The following CDC14A variants were observed in gnomAD, a reference collection of about 807,000 sequenced individuals.
CDC14A encodes the protein cell division cycle 14A.
In CDC14A, 53 loss-of-function variants were observed where a neutral mutation model predicts 74.4. That is an observed-to-expected ratio of 0.71 (90% confidence interval 0.57 to 0.89). CDC14A has a LOEUF of 0.89. Ranked by LOEUF, CDC14A falls within the 40% of genes least tolerant of loss-of-function variation. The probability of loss-of-function intolerance (pLI) is 0.00; values close to 1 mark genes in which losing one functional copy is unlikely to be tolerated. For synonymous variants in CDC14A, 247 were observed against 258.4 expected (o/e 0.96, Z 0.43); for missense variants, 646 against 713.7 (o/e 0.91, Z 1.08).
chr1:100,504,961 TAATA>T, intron 15 of CDC14A: 1 of 1,504,490 alleles, frequency 6.6e-7, no homozygotes, highest in Non-Finnish European at 8.9e-7. Context: ...ACCCTATAAT[TAATA>T]CTTTATTTTA....
At chr1:100,431,483 TTGAATGTTA>T (rs958453753) in intron 5 of CDC14A, among the ~76,000 whole-genome samples, 7 of 152,268 alleles carry the variant, frequency 4.6e-5, no homozygotes, top group African/African-American at 1.7e-4. Flanking sequence ...TATTATTTTG[TTGAATGTTA>T]TGAAAAGCTC....
intron 15 of CDC14A, among the ~76,000 whole-genome samples, chr1:100,511,468 G>A (rs1649782002): frequency 6.6e-6 from 1 of 152,158 alleles, no homozygotes; most frequent in Non-Finnish European, 1.5e-5. Flanking sequence ...CTTAATGATT[G>A]TCCTTACATT....
chr1:100,377,395 C>T, intron 2 of CDC14A, 151 bp from the exon 3 acceptor site: 2 of 623,300 alleles, frequency 3.2e-6, no homozygotes, highest in Non-Finnish European at 5.6e-6. Context: ...AGGACGAAAC[C>T]ATTAGTTATT....
rs544068507 is a variant in CDC14A, at chr1:100,390,415, A to G, written c.217-317A>G. ...AACAAAGTGTGAAGAGACTTTCTGTAGAAGATTTAGAATAAATAGTCAAAA... is the reference window on the plus strand; with the variant it reads ...AACAAAGTGTGAAGAGACTTTCTGTGGAAGATTTAGAATAAATAGTCAAAA... On this transcript the variant is annotated intron_variant, in intron 3 of 15. Coordinates refer to ENST00000336454, the MANE Select transcript of CDC14A (RefSeq NM_003672.4). Among the ~76,000 whole-genome samples, 10 of 152,338 alleles carry G rather than the reference A, an allele frequency of 6.6e-5. No individual in the cohort carries two copies. In the South Asian group the frequency reaches 2.1e-3, roughly 32 times the overall value.
intron 10 of CDC14A, among the ~76,000 whole-genome samples, chr1:100,473,694 G>GATTTTTCTGTTT (rs1668612414): frequency 6.6e-6 from 1 of 152,056 alleles, no homozygotes; most frequent in Non-Finnish European, 1.5e-5. Context: ...GGCCACAATT[G>GATTTTTCTGTTT]ATTTTTCTGT....
Position 100,420,063 on chromosome 1 carries a change from C to CACATATATATATATATATATATATATAT in CDC14A, c.310-4158_310-4157insCATATATATATATATATATATATATATA. Among the ~76,000 whole-genome samples the CACATATATATATATATATATATATATAT allele has an allele frequency of 1.1e-4, 7 of 61,594 alleles. 2 individuals carry two copies. The highest frequency in any genetic ancestry group is 2.3e-4 in the Non-Finnish European group (6 of 26,154). 40.4% of individuals were successfully genotyped at this position (61,594 alleles called of 152,430 possible). The stretch of plus-strand genomic sequence containing the variant: ...ACACACACACACACACACACACACA[C>CACATATATATATATATATATATATATAT]ATATATATATATATATATAGTGTGT... On this transcript the variant is annotated intron_variant, in intron 4 of 15. Coordinates refer to ENST00000336454, the MANE Select transcript of CDC14A (RefSeq NM_003672.4).
At chr1:100,456,792 T>C (rs1666743075) in intron 8 of CDC14A, among the ~76,000 whole-genome samples, 3 of 152,248 alleles carry the variant, frequency 2.0e-5, no homozygotes, top group African/African-American at 7.2e-5. Flanking sequence ...TAGGGAACTC[T>C]GCTTGAATCA....
intron 2 of CDC14A, among the ~76,000 whole-genome samples, chr1:100,374,007 A>G (rs943831687): frequency 2.6e-5 from 4 of 151,810 alleles, no homozygotes; most frequent in African/African-American, 9.7e-5. Flanking sequence ...TCCTGTGTCC[A>G]TGTATTCTCA....
chr1:100,516,655 C>T (rs1265444004), intron 15 of CDC14A, among the ~76,000 whole-genome samples: 6 of 151,984 alleles, frequency 3.9e-5, no homozygotes, highest in African/African-American at 1.5e-4. Context: ...TAGAAGAAAC[C>T]GAGAAAAAGC....
chr1:100,382,332 C>A (rs1426008682), intron 3 of CDC14A, among the ~76,000 whole-genome samples: 1 of 147,616 alleles, frequency 6.8e-6, no homozygotes, highest in African/African-American at 2.5e-5. Flanking sequence ...TCTCCCACTT[C>A]AGTCAACTGA....
chr1:100,428,757 A>G (rs142358434), intron 5 of CDC14A, among the ~76,000 whole-genome samples: 61 of 152,336 alleles, frequency 4.0e-4, no homozygotes, highest in African/African-American at 1.4e-3. Flanking sequence ...CATTGAAAAG[A>G]TAACCAATCT....
At position 100,372,803 on chromosome 1, in the gene CDC14A, C is replaced by G. The variant is rs141811799; in HGVS notation, c.141-4743C>G. Among the ~76,000 whole-genome samples, 18 of 152,324 alleles carry G rather than the reference C, an allele frequency of 1.2e-4. No individual in the cohort carries two copies. The East Asian group carries it at 3.1e-3, about 26-fold the overall frequency. On this transcript the variant is annotated intron_variant, in intron 2 of 15. Transcript: ENST00000336454. ...AATCTTAAACCTTATGAACCAACCTCTGCTAACTTCATACTTTTATTCTGC... is the reference window on the plus strand; with the variant it reads ...AATCTTAAACCTTATGAACCAACCTGTGCTAACTTCATACTTTTATTCTGC...
At chr1:100,461,324 A>T (rs1049155276) in intron 8 of CDC14A, among the ~76,000 whole-genome samples, 2 of 152,212 alleles carry the variant, frequency 1.3e-5, no homozygotes, top group South Asian at 4.1e-4. Flanking sequence ...CTCCAGCCCC[A>T]GTGTCACAGA....
At chr1:100,465,787 C>T (rs1056378512) in intron 9 of CDC14A, among the ~76,000 whole-genome samples, 4 of 152,158 alleles carry the variant, frequency 2.6e-5, no homozygotes, top group Non-Finnish European at 5.9e-5. Context: ...ATCTAAAATA[C>T]AGCAACGTTG....
At chr1:100,389,953 T>C (rs564218116) in intron 3 of CDC14A, among the ~76,000 whole-genome samples, 4 of 152,238 alleles carry the variant, frequency 2.6e-5, no homozygotes, top group Non-Finnish European at 5.9e-5. Flanking sequence ...TGTCTTATAC[T>C]TATTCGAGTT....
chr1:100,349,055 G>A (rs1443993884), upstream of CDC14A, among the ~76,000 whole-genome samples: 3 of 152,194 alleles, frequency 2.0e-5, no homozygotes, highest in East Asian at 3.9e-4. Context: ...ATTAACCGGC[G>A]TGGTGGCGCA....
rs541641162 is a variant in CDC14A, at chr1:100,442,529, A to T, written c.457-405A>T. Among the ~76,000 whole-genome samples the T allele has an allele frequency of 1.5e-4, 23 of 151,342 alleles. No homozygotes were observed. In the East Asian group the frequency reaches 3.9e-3, roughly 25 times the overall value. On this transcript the variant is annotated intron_variant, in intron 6 of 15. Coordinates refer to ENST00000336454, the MANE Select transcript of CDC14A (RefSeq NM_003672.4). ...TCCCTATGATAAAAGGAAGACAAAA[A>T]CTCATAAGAATAATTGATTTTTCTT...
chr1:100,469,726 C>T (rs375621475), intron 10 of CDC14A, among the ~76,000 whole-genome samples: 150 of 152,214 alleles, frequency 9.9e-4, no homozygotes, highest in African/African-American at 3.3e-3. Context: ...AAGTACAGCT[C>T]GCAAGGTGAG....
intron 4 of CDC14A, among the ~76,000 whole-genome samples, chr1:100,420,037 C>CATATAT (rs1183502134): frequency 1.7e-3 from 19 of 10,874 alleles, no homozygotes; most frequent in African/African-American, 7.1e-3. Context: ...TATATACACA[C>CATATAT]ACACACACAC....
Sources: allele counts gnomAD v4.1 joint callset (sites outside exome capture counted in the v4.1 genomes callset), GRCh38; gene constraint gnomAD v4.1.1; transcripts MANE v1.5; gene names NCBI Gene and HGNC (gene_info 2026-07-23, HGNC 2026-07-21).